SRGAP3: variants seen among roughly 807,000 people sequenced by gnomAD.
SRGAP3 encodes SLIT-ROBO Rho GTPase activating protein 3.
SRGAP3 carries 39 observed loss-of-function variants against 121.1 expected under a neutral mutation model. The observed-to-expected ratio is 0.32, with a 90% confidence interval of 0.25 to 0.42. The LOEUF is 0.42. SRGAP3 is among the 10% of genes least tolerant of loss of function. The probability of loss-of-function intolerance (pLI) is 1.00; values close to 1 mark genes in which losing one functional copy is unlikely to be tolerated. For synonymous variants in SRGAP3, 601 were observed against 570.0 expected (o/e 1.05, Z -0.77); for missense variants, 1,213 against 1,470.6 (o/e 0.82, Z 2.86).
chr3:9,301,807 A>G (rs1438454222), intron 3 of SRGAP3, among the ~76,000 whole-genome samples: 1 of 152,248 alleles, frequency 6.6e-6, no homozygotes, highest in East Asian at 1.9e-4. Context: ...CAACCATGAG[A>G]GAGGAACAAT....
chr3:9,285,394 C>T (rs1335841304), intron 3 of SRGAP3, among the ~76,000 whole-genome samples: 1 of 152,144 alleles, frequency 6.6e-6, no homozygotes, highest in Non-Finnish European at 1.5e-5. Flanking sequence ...TCTGACCCCG[C>T]TTTTCTCTTC....
rs1282954956 is a variant in SRGAP3 at position 9,059,983 on chromosome 3, C to T, written c.801+248G>A. ...ACTTGGGAAGTTGCCATTGGATATA[C>T]AACTGCCCAAGCCAACTGCACTGGG... On this transcript the variant is annotated intron_variant, in intron 6 of 21. Transcript: ENST00000383836. The T allele has an allele frequency of 4.4e-5, 23 of 522,812 alleles. 1 individual carries two copies. Among genetic ancestry groups the T allele is most frequent in the Non-Finnish European group, 5.8e-5 (17 of 290,954 alleles). The allele number at this position is 522,812 out of a possible 1,614,324, so 32.4% of individuals were successfully genotyped here.
intron 9 of SRGAP3, among the ~76,000 whole-genome samples, chr3:9,050,667 G>A (rs1945523680): frequency 6.6e-6 from 1 of 152,148 alleles, no homozygotes; most frequent in Non-Finnish European, 1.5e-5. Flanking sequence ...TCCTAACTTC[G>A]AGTAGGCCAA....
At position 9,229,942 on chromosome 3, in the gene SRGAP3, C is replaced by T. The variant is rs138416578; in HGVS notation, c.67+18943G>A. Among the ~76,000 whole-genome samples the T allele has an allele frequency of 3.3e-3, 495 of 152,200 alleles. 3 individuals are homozygous for T. Among genetic ancestry groups the T allele is most frequent in the African/African-American group, 0.011 (472 of 41,520 alleles). ...GTATCTGCTATGTGTCTATTCTGGC[C>T]TGAATGCTTTATTTACAGCAACTCC... On this transcript the variant is annotated intron_variant, in intron 1 of 21. Coordinates refer to ENST00000383836, the MANE Select transcript of SRGAP3 (RefSeq NM_014850.4).
rs575611051 is a variant in SRGAP3, at chr3:9,323,997, A to G, written n.442+2013T>C. On this transcript the variant is annotated intron_variant and non_coding_transcript_variant, in intron 3 of 3. Coordinates refer to the SRGAP3 transcript ENST00000490889. ...TCCAGGGGTGCCTCATGGTCAGAAT[A>G]AATTTATAGACAAAAAAGGTAAAGT... 1.3e-4 allele frequency among the ~76,000 whole-genome samples: 20 copies of G among 152,060 alleles called. 1 individual carries two copies. Among genetic ancestry groups the G allele is most frequent in the Non-Finnish European group, 2.6e-4 (18 of 68,002 alleles).
Position 9,015,638 on chromosome 3 carries a change from A to G in SRGAP3, c.1772T>C (p.Leu591Pro), listed in dbSNP as rs1396752079. ...KLYFRGLENP[L>P]FPKERFQDLI... The stretch of plus-strand genomic sequence containing the variant: ...ATCTTGAAACCTTTCCTTAGGAAAG[A>G]GTGGGTTTTCCAGTCCTCGGAAATA... The change falls in exon 15 of 22, where the codon CTC (leucine) becomes CCC (proline). Residue 591 changes from leucine to proline, a missense_variant. Coordinates refer to ENST00000383836, the MANE Select transcript of SRGAP3 (RefSeq NM_014850.4). 19 of 1,614,184 alleles carry G rather than the reference A, an allele frequency of 1.2e-5. No homozygotes were observed. The highest frequency in any genetic ancestry group is 1.4e-5 in the Non-Finnish European group (17 of 1,180,024).
chr3:9,040,269 G>A (rs1311946111), intron 10 of SRGAP3, among the ~76,000 whole-genome samples: 1 of 152,108 alleles, frequency 6.6e-6, no homozygotes, highest in African/African-American at 2.4e-5. Flanking sequence ...ATCGCACAAG[G>A]GACAAAATCC....
At chr3:9,293,806 G>A (rs1186139874) in intron 3 of SRGAP3, among the ~76,000 whole-genome samples, 1 of 152,128 alleles carries the variant, frequency 6.6e-6, no homozygotes, top group African/African-American at 2.4e-5. Flanking sequence ...ACATCAGTCA[G>A]AATGGCTACT....
At chr3:9,064,291 G>A in intron 5 of SRGAP3, 105 bp downstream of exon 5, 2 of 1,479,960 alleles carry the variant, frequency 1.4e-6, no homozygotes, top group Non-Finnish European at 9.3e-7. Flanking sequence ...CCACCCCACT[G>A]GGATGCAGGG....
In SRGAP3 at chr3:8,994,422, C is replaced by G. The variant is rs372086642; in HGVS notation, c.2329G>C (p.Ala777Pro). 1 of 1,614,120 alleles carries G rather than the reference C, an allele frequency of 6.2e-7. No homozygotes were observed. The highest frequency in any genetic ancestry group is 2.2e-5 in the East Asian group (1 of 44,898). The change falls in exon 19 of 22, where the codon GCC becomes CCC. Residue 777 changes from alanine (A) to proline (P), a missense_variant. Physicochemically the swap from Ala to Pro is conservative, Grantham distance 27. Transcript: ENST00000383836. ...KGASLLLYHR[A>P]SEDWWEGRHN... is the part of the protein sequence containing the mutation. ...CGGCCCTCCCACCAGTCCTCCGAGG[C>G]GCGGTGGTACAGGAGCAGCGAGGCC... is the stretch of plus-strand genomic sequence containing the variant.
chr3:9,007,736 A>G (rs1158331740), intron 18 of SRGAP3: 1 of 151,980 alleles, frequency 6.6e-6, no homozygotes, highest in Non-Finnish European at 1.5e-5. Flanking sequence ...TTCCCATTTT[A>G]TAGATAAGGA....
At chr3:9,316,207 C>T (rs1304293169) in intron 3 of SRGAP3, among the ~76,000 whole-genome samples, 2 of 152,006 alleles carry the variant, frequency 1.3e-5, no homozygotes, top group African/African-American at 4.8e-5. Flanking sequence ...CACCACCACA[C>T]CTGGCTAATT....
intron 4 of SRGAP3, among the ~76,000 whole-genome samples, chr3:9,071,432 T>C (rs1168897787): frequency 6.6e-6 from 1 of 152,160 alleles, no homozygotes; most frequent in Non-Finnish European, 1.5e-5. Flanking sequence ...GAAGCTCAGC[T>C]AGGCCAATTA....
At chr3:9,046,821 ATTTTC>A (rs758300711) in intron 10 of SRGAP3, among the ~76,000 whole-genome samples, 158 of 145,020 alleles carry the variant, frequency 1.1e-3, no homozygotes, top group African/African-American at 3.9e-3. Flanking sequence ...GTTGGCCTCT[ATTTTC>A]TTTTCTTTTC....
At chr3:9,058,786 C>T (rs1945974758) in intron 6 of SRGAP3, 1 of 320,546 alleles carries the variant, frequency 3.1e-6, no homozygotes, top group African/African-American at 2.4e-5. Context: ...GTGGCACGAT[C>T]TCGGCTCACT....
intron 1 of SRGAP3, among the ~76,000 whole-genome samples, chr3:9,237,561 G>A (rs1482519065): frequency 6.6e-6 from 1 of 152,218 alleles, no homozygotes; most frequent in African/African-American, 2.4e-5. Flanking sequence ...TCTGCAGGTG[G>A]CATGCAACCT....
intron 3 of SRGAP3, among the ~76,000 whole-genome samples, chr3:9,263,597 T>C (rs887363664): frequency 1.3e-5 from 2 of 152,174 alleles, no homozygotes; most frequent in African/African-American, 4.8e-5. Context: ...TAAACACCTC[T>C]ATGCAAATAA....
intron 1 of SRGAP3, chr3:9,348,799 T>C (rs764070710): frequency 1.4e-4 from 190 of 1,373,452 alleles, no homozygotes; most frequent in Admixed American, 5.0e-4. Context: ...ACTCCTATGA[T>C]GTCCCACCAC....
At chr3:9,186,481 T>C (rs902630423) in intron 1 of SRGAP3, among the ~76,000 whole-genome samples, 5 of 152,202 alleles carry the variant, frequency 3.3e-5, no homozygotes, top group African/African-American at 9.6e-5. Context: ...ATTATCAATA[T>C]CATCTCTTAT....
Sources: gnomAD v4.1 joint callset for allele counts (sites outside exome capture counted in the v4.1 genomes callset) on GRCh38, gnomAD v4.1.1 for gene constraint, MANE v1.5 for transcripts, NCBI Gene and HGNC (gene_info 2026-07-23, HGNC 2026-07-21) for gene names.